Variants in NLRP3 observed in about 807,000 individuals in gnomAD.
NLRP3 encodes NLR family pyrin domain containing 3, also known as NACHT, LRR and PYD domains-containing protein 3.
A neutral mutation model predicts 91.3 loss-of-function variants in NLRP3; 48 were observed. The ratio of observed to expected loss-of-function variants is 0.53; its 90% CI spans 0.42 to 0.67. The LOEUF (loss-of-function observed/expected upper bound fraction) is 0.67, where lower values mean the gene tolerates loss of function less well. NLRP3 is among the 30% of genes least tolerant of loss of function. The pLI, the probability that NLRP3 is intolerant of heterozygous loss-of-function variation, is 0.00. For synonymous variants in NLRP3, 561 were observed against 507.9 expected (o/e 1.10, Z -1.41); for missense variants, 982 against 1,276.9 (o/e 0.77, Z 3.52).
intron 4 of NLRP3, among the ~76,000 whole-genome samples, chr1:247,426,015 TG>T (rs1242192440): frequency 6.6e-6 from 1 of 152,114 alleles, no homozygotes; most frequent in Non-Finnish European, 1.5e-5. Context: ...AGCTGGAGGC[TG>T]GGGGGATGTT....
intron 5 of NLRP3, among the ~76,000 whole-genome samples, chr1:247,433,156 A>G (rs1300694003): frequency 4.6e-5 from 7 of 152,070 alleles, no homozygotes; most frequent in South Asian, 4.1e-4. Context: ...GCAGTGAGCT[A>G]TGATCTCGCC....
In NLRP3 at chr1:247,424,157, G is replaced by A; in HGVS notation, c.708G>A (p.Lys236=). ...AGIGKTILAR[K]MMLDWASGTL... is the part of the protein sequence containing the mutation. ...TTGGGAAAACAATCCTGGCCAGGAA[G>A]ATGATGTTGGACTGGGCGTCGGGGA... Residue 236 remains lysine, a synonymous_variant, in exon 4 of 10, where the codon AAG becomes AAA. Coordinates refer to ENST00000336119, the MANE Select transcript of NLRP3 (RefSeq NM_001243133.2). The surrounding 1 kb of genome is among the most constrained non-coding windows in gnomAD (Gnocchi z 8.1). 2 of 1,614,102 alleles carry A rather than the reference G, an allele frequency of 1.2e-6. No homozygotes were observed. Among genetic ancestry groups the A allele is most frequent in the Non-Finnish European group, 1.7e-6 (2 of 1,180,018 alleles).
In NLRP3 at chr1:247,424,932, G is replaced by A; in HGVS notation, c.1483G>A (p.Ala495Thr). ...SDLRNHGLQK[A>T]DVSAFLRMNL... ...CCTCAGGAATCATGGACTGCAGAAG[G>A]CGGATGTGTCTGCTTTCCTGAGGAT... The change falls in exon 4 of 10, where the codon GCG becomes ACG. Residue 495 changes from alanine (A) to threonine (T), a missense_variant. Around this residue, in one of 5 missense-constraint regions of NLRP3, gnomAD observed 548 missense variants for 713.7 expected, o/e 0.77. Coordinates refer to ENST00000336119, the MANE Select transcript of NLRP3 (RefSeq NM_001243133.2). This position sits in a 1 kb window ranked among gnomAD's most constrained non-coding sequence, Gnocchi z 8.1. 2 of 1,613,646 alleles carry A rather than the reference G, an allele frequency of 1.2e-6. No homozygotes were observed. The highest frequency in any genetic ancestry group is 1.7e-6 in the Non-Finnish European group (2 of 1,180,046).
intron 5 of NLRP3, among the ~76,000 whole-genome samples, chr1:247,430,167 C>T (rs1663205871): frequency 6.6e-6 from 1 of 152,188 alleles, no homozygotes; most frequent in Non-Finnish European, 1.5e-5. Flanking sequence ...TGAGCCACCG[C>T]ACCCGGCCGG....
At chr1:247,440,609 G>C (rs999617554) in intron 7 of NLRP3, among the ~76,000 whole-genome samples, 1 of 152,122 alleles carries the variant, frequency 6.6e-6, no homozygotes, top group Non-Finnish European at 1.5e-5. Context: ...TGCTGTTTTA[G>C]AGATGGGGAC....
At chr1:247,440,276 C>T (rs1664118501) in intron 7 of NLRP3, among the ~76,000 whole-genome samples, 1 of 152,156 alleles carries the variant, frequency 6.6e-6, no homozygotes, top group Non-Finnish European at 1.5e-5. Flanking sequence ...CCCCACCTTC[C>T]ACCCCCGTTC....
Position 247,444,670 on chromosome 1 carries a change from A to C in NLRP3, c.2854A>C (p.Thr952Pro), listed in dbSNP as rs777657094. 6.2e-7 allele frequency: 1 copy of C among 1,613,840 alleles called. No individual in the cohort carries two copies. The highest frequency in any genetic ancestry group is 1.3e-5 in the African/African-American group (1 of 74,846). Residue 952 changes from threonine (T) to proline (P), a missense_variant, in exon 9 of 10, where the codon ACG becomes CCG. Coordinates refer to ENST00000336119, the MANE Select transcript of NLRP3 (RefSeq NM_001243133.2). ...QVLELDNCNL[T>P]SHCCWDLSTL... ...TTGCAGATTAGACAACTGCAACCTC[A>C]CGTCACACTGCTGCTGGGATCTTTC...
At chr1:247,417,577 G>T (rs1431889183) in intron 1 of NLRP3, among the ~76,000 whole-genome samples, 1 of 152,126 alleles carries the variant, frequency 6.6e-6, no homozygotes, top group Non-Finnish European at 1.5e-5. Context: ...CGCCTCCTGG[G>T]TTCAAGCGAT....
In NLRP3 at chr1:247,448,800, A is replaced by G. The variant is rs1664767999; in HGVS notation, c.*296A>G. On this transcript the variant is annotated 3_prime_UTR_variant, in exon 10 of 10. Coordinates refer to ENST00000336119, the MANE Select transcript of NLRP3 (RefSeq NM_001243133.2). ...CCTCATGTAATTAGCTCATTCAATA[A>G]AGCACTTTCTTTATTTTTCTCTTCT... The G allele has an allele frequency of 7.3e-6, 3 of 413,456 alleles. No homozygotes were observed. The highest frequency in any genetic ancestry group is 1.3e-5 in the Non-Finnish European group (3 of 223,756). The allele number at this position is 413,456 out of a possible 1,614,324, so 25.6% of individuals were successfully genotyped here. A position where few individuals can be genotyped will look rare whatever the true frequency, so the allele number is the denominator to read the frequency against.
At chr1:247,427,188 G>A (rs1347881220) in intron 4 of NLRP3, among the ~76,000 whole-genome samples, 1 of 152,042 alleles carries the variant, frequency 6.6e-6, no homozygotes, top group Non-Finnish European at 1.5e-5. Flanking sequence ...AGCTCTCTGG[G>A]GTCCCTTTCC....
chr1:247,433,710 CGG>C (rs1663525898), intron 5 of NLRP3, among the ~76,000 whole-genome samples: 5 of 105,772 alleles, frequency 4.7e-5, no homozygotes, highest in African/African-American at 7.4e-5. Flanking sequence ...TTCTCTATTC[CGG>C]AGCTCTCTGG....
rs1243081233 is a variant in NLRP3 at position 247,424,748 on chromosome 1, A to G, written c.1299A>G (p.Thr433=). 6 of 1,613,442 alleles carry G rather than the reference A, an allele frequency of 3.7e-6. No individual in the cohort carries two copies. The highest frequency in any genetic ancestry group is 5.1e-6 in the Non-Finnish European group (6 of 1,180,014). ...AGAGTGGCAAGAGCCTTGCCCAGACATCCAAGACCACCACCGCGGTGTACG... is the reference window on the plus strand; with the variant it reads ...AGAGTGGCAAGAGCCTTGCCCAGACGTCCAAGACCACCACCGCGGTGTACG... ...QMESGKSLAQ[T]SKTTTAVYVF... The change falls in exon 4 of 10, where the codon ACA becomes ACG. Residue 433 remains threonine, a synonymous_variant. Transcript: ENST00000336119. This position sits in a 1 kb window ranked among gnomAD's most constrained non-coding sequence, Gnocchi z 8.1.
intron 7 of NLRP3, among the ~76,000 whole-genome samples, chr1:247,442,020 C>T (rs1043227786): frequency 6.6e-5 from 10 of 152,266 alleles, no homozygotes; most frequent in African/African-American, 2.4e-4. Flanking sequence ...AGGAATGCTA[C>T]TAATCCCTTC....
At chr1:247,431,940 C>T (rs1227734324) in intron 5 of NLRP3, among the ~76,000 whole-genome samples, 3 of 152,114 alleles carry the variant, frequency 2.0e-5, no homozygotes, top group Non-Finnish European at 2.9e-5. Flanking sequence ...GCCGTGTTGC[C>T]CAGGCTGGAG....
rs180177456 is a variant in NLRP3 at position 247,424,426 on chromosome 1, G to T, written c.977G>T (p.Gly326Val). ...LCTDWQKAER[G>V]DILLSSLIRK... ...ACTGACTGGCAGAAGGCCGAGCGGG[G>T]AGACATTCTCCTGAGCAGCCTCATC... Residue 326 changes from glycine (G) to valine (V), a missense_variant, in exon 4 of 10, where the codon GGA (glycine) becomes GTA (valine). Gly to Val is a moderately radical substitution (Grantham distance 109). This residue lies in a region of NLRP3 where 548 missense variants were observed against 713.7 expected (regional missense o/e 0.77). Coordinates refer to ENST00000336119, the MANE Select transcript of NLRP3 (RefSeq NM_001243133.2). The surrounding 1 kb of genome is among the most constrained non-coding windows in gnomAD (Gnocchi z 8.1). 2.5e-6 allele frequency: 4 copies of T among 1,614,204 alleles called. No homozygotes were observed. The Middle Eastern group carries it at 4.9e-4, about 200-fold the overall frequency.
intron 2 of NLRP3, 26 bp downstream of exon 2, chr1:247,419,103 A>C (rs1662262590): frequency 1.3e-6 from 2 of 1,598,824 alleles, no homozygotes; most frequent in Non-Finnish European, 8.5e-7. Context: ...ACTTTTAAAA[A>C]AAATTGTGGC....
At chr1:247,423,153 C>T in intron 2 of NLRP3, 77 bp from the exon 3 acceptor site, 2 of 1,600,910 alleles carry the variant, frequency 1.2e-6, no homozygotes, top group East Asian at 2.2e-5. Flanking sequence ...TCTCTCATGC[C>T]AAATATTAGG....
At position 247,419,312 on chromosome 1, in the gene NLRP3, C is replaced by T. The variant is rs183356364; in HGVS notation, c.277+235C>T. The stretch of plus-strand genomic sequence containing the variant: ...TGGGATTACAGGCATTGCACCTCCA[C>T]GCCCGGCTAATTTTGTATTTTTAGT... On this transcript the variant is annotated intron_variant, in intron 2 of 9. Transcript: ENST00000336119. Among the ~76,000 whole-genome samples, 265 of 152,086 alleles carry T rather than the reference C, an allele frequency of 1.7e-3. 5 individuals are homozygous for T. Among genetic ancestry groups the T allele is most frequent in the East Asian group, 0.017 (87 of 5,164 alleles).
chr1:247,448,298 A>G, intron 9 of NLRP3, 107 bp from the exon 10 acceptor site: 1 of 492,116 alleles, frequency 2.0e-6, no homozygotes, highest in Non-Finnish European at 3.7e-6. Context: ...TTTACATTTT[A>G]GAAGTGTGTG....
Sources: gnomAD v4.1 joint callset for allele counts (sites outside exome capture counted in the v4.1 genomes callset) on GRCh38, gnomAD v4.1.1 for gene constraint, gnomAD v4.1.1 regional missense constraint, Gnocchi (gnomAD v3.1) non-coding constraint, MANE v1.5 for transcripts, NCBI Gene and HGNC (gene_info 2026-07-23, HGNC 2026-07-21) for gene names.